DNAI3: variants seen among roughly 807,000 people sequenced by gnomAD.
DNAI3 encodes the protein WD repeat domain 63.
DNAI3 carries 83 observed loss-of-function variants against 115.5 expected under a neutral mutation model. The ratio of observed to expected loss-of-function variants is 0.72; its 90% confidence interval spans 0.60 to 0.86. The LOEUF (loss-of-function observed/expected upper bound fraction) is 0.86. DNAI3 is among the 40% of genes least tolerant of loss of function. DNAI3 has a pLI of 0.00. For missense variants in DNAI3, 1,004 were observed against 1,075.8 expected (o/e 0.93, Z 0.93); for synonymous variants, 320 against 347.0 (o/e 0.92, Z 0.86).
intron 13 of DNAI3, among the ~76,000 whole-genome samples, chr1:85,102,783 G>C (rs1029534057): frequency 6.6e-6 from 1 of 152,156 alleles, no homozygotes; most frequent in African/African-American, 2.4e-5. Context: ...GAAAAATCAT[G>C]TCACAGTGTT....
chr1:85,081,538 G>T, intron 4 of DNAI3, 123 bp downstream of exon 4: 3 of 795,870 alleles, frequency 3.8e-6, no homozygotes, highest in Non-Finnish European at 5.5e-6. Context: ...GTGCTAGCTT[G>T]CCCACCCCTC....
At chr1:85,125,223 AT>A (rs1338988936) in intron 19 of DNAI3, among the ~76,000 whole-genome samples, 4 of 152,136 alleles carry the variant, frequency 2.6e-5, no homozygotes, top group African/African-American at 9.7e-5. Context: ...CTGAAACTAT[AT>A]ATATATGTGT....
At chr1:85,129,120 C>T (rs1656237958) in intron 21 of DNAI3, among the ~76,000 whole-genome samples, 1 of 152,084 alleles carries the variant, frequency 6.6e-6, no homozygotes, top group Non-Finnish European at 1.5e-5. Flanking sequence ...TGATACCCTT[C>T]CCTGAGGGCC....
At position 85,132,872 on chromosome 1, in the gene DNAI3, A is replaced by G. The variant is rs371944443; in HGVS notation, c.2550A>G (p.Ser850=). The G allele has an allele frequency of 2.5e-6, 4 of 1,613,792 alleles. No homozygotes were observed. The highest frequency in any genetic ancestry group is 2.7e-5 in the African/African-American group (2 of 75,038). Residue 850 remains serine, a synonymous_variant, in exon 23 of 23, where the codon TCA becomes TCG. Transcript: ENST00000294664. ...CCCCCCAGAAAACATATCAGAAGTC[A>G]AAAGAACAAATGCAGGCTGAATTAA... ...AKKKVKTYQK[S]KEQMQAELKM... is the part of the protein sequence containing the mutation.
intron 22 of DNAI3, among the ~76,000 whole-genome samples, chr1:85,131,239 G>A (rs574599959): frequency 2.7e-4 from 41 of 152,182 alleles, no homozygotes; most frequent in Non-Finnish European, 5.3e-4. Flanking sequence ...GAGGTCAGGA[G>A]TTCGAGACCA....
chr1:85,114,015 C>CTTTTTTTTTTTTTTTT (rs58178754), intron 16 of DNAI3, among the ~76,000 whole-genome samples: 1 of 117,670 alleles, frequency 8.5e-6, no homozygotes, highest in Non-Finnish European at 1.8e-5. Context: ...CAATTTGTAT[C>CTTTTTTTTTTTTTTTT]TTTTTTTTTT....
In DNAI3 at chr1:85,108,716, C is replaced by T. The variant is rs189389969; in HGVS notation, c.1698+539C>T. On this transcript the variant is annotated intron_variant, in intron 15 of 22. Coordinates refer to ENST00000294664, the MANE Select transcript of DNAI3 (RefSeq NM_145172.5). Reference sequence around the variant, plus strand: ...GTTTGGGCTTCTGCTGAACCCATCACCCAGGTAGTGAACATAGTACCCAAT... The same window carrying T: ...GTTTGGGCTTCTGCTGAACCCATCATCCAGGTAGTGAACATAGTACCCAAT... Among the ~76,000 whole-genome samples, 8 of 152,264 alleles carry T rather than the reference C, an allele frequency of 5.3e-5. No individual in the cohort carries two copies. The East Asian group carries it at 1.5e-3, about 29-fold the overall frequency.
At chr1:85,130,911 A>T (rs940338971) in intron 22 of DNAI3, among the ~76,000 whole-genome samples, 1 of 151,922 alleles carries the variant, frequency 6.6e-6, no homozygotes, top group African/African-American at 2.4e-5. Flanking sequence ...GAATTCTGTG[A>T]CTCTGCTGGT....
intron 8 of DNAI3, among the ~76,000 whole-genome samples, chr1:85,092,683 G>A (rs1655013536): frequency 6.6e-6 from 1 of 152,060 alleles, no homozygotes; most frequent in South Asian, 2.1e-4. Context: ...AGCAATGTTA[G>A]TATTTTTAGC....
chr1:85,116,055 A>G (rs941720281), intron 16 of DNAI3, among the ~76,000 whole-genome samples: 4 of 151,880 alleles, frequency 2.6e-5, no homozygotes, highest in African/African-American at 9.7e-5. Flanking sequence ...TTCCTCCTCT[A>G]TCTCCTTTCC....
chr1:85,117,663 C>T (rs761744624), intron 16 of DNAI3, 66 bp from the exon 17 acceptor site: 15 of 1,579,900 alleles, frequency 9.5e-6, no homozygotes, highest in Non-Finnish European at 1.3e-5. Context: ...AAAATGTAAA[C>T]TGTCTATATT....
At chr1:85,117,664 T>C in intron 16 of DNAI3, 65 bp from the exon 17 acceptor site, 3 of 1,582,128 alleles carry the variant, frequency 1.9e-6, no homozygotes, top group Non-Finnish European at 2.6e-6. Flanking sequence ...AAATGTAAAC[T>C]GTCTATATTT....
At position 85,097,475 on chromosome 1, in the gene DNAI3, G is replaced by C. The variant is rs139191114; in HGVS notation, c.1264-94G>C. On this transcript the variant is annotated intron_variant, in intron 11 of 22. Transcript: ENST00000294664. Reference sequence around the variant, plus strand: ...CATTTGATTATCCCCTAAGGTGATTGACTTATCAGGCTACAAACCAATAGT... The same window carrying C: ...CATTTGATTATCCCCTAAGGTGATTCACTTATCAGGCTACAAACCAATAGT... 258 of 1,147,998 alleles carry C rather than the reference G, an allele frequency of 2.2e-4. No individual in the cohort carries two copies. In the African/African-American group the frequency reaches 3.7e-3, roughly 17 times the overall value. 71.1% of individuals were successfully genotyped at this position (1,147,998 alleles called of 1,614,324 possible).
At chr1:85,063,421 G>A (rs1178459145) in intron 1 of DNAI3, among the ~76,000 whole-genome samples, 2 of 152,090 alleles carry the variant, frequency 1.3e-5, no homozygotes, top group African/African-American at 4.8e-5. Context: ...GTGTGAGGCT[G>A]GAATAGAACT....
intron 19 of DNAI3, among the ~76,000 whole-genome samples, chr1:85,126,051 G>A (rs1656124181): frequency 6.6e-6 from 1 of 152,326 alleles, no homozygotes; most frequent in Non-Finnish European, 1.5e-5. Flanking sequence ...TTTTCAACAT[G>A]CAGTACACAG....
intron 20 of DNAI3, among the ~76,000 whole-genome samples, chr1:85,128,007 C>G (rs1656198249): frequency 6.6e-6 from 1 of 151,498 alleles, no homozygotes; most frequent in African/African-American, 2.4e-5. Flanking sequence ...TGCCTGTAGT[C>G]CCAGCTACTC....
intron 7 of DNAI3, 31 bp from the exon 8 acceptor site, chr1:85,090,085 T>C (rs761357361): frequency 1.6e-6 from 2 of 1,260,930 alleles, no homozygotes; most frequent in Non-Finnish European, 2.2e-6. Context: ...TGACCTAATC[T>C]TTAGTATTGA....
In DNAI3 at chr1:85,108,165, A is replaced by G. The variant is rs1273020790; in HGVS notation, c.1686A>G (p.Lys562=). The G allele has an allele frequency of 6.3e-7, 1 of 1,596,240 alleles. No homozygotes were observed. Among genetic ancestry groups the G allele is most frequent in the Non-Finnish European group, 8.5e-7 (1 of 1,174,420 alleles). ...TTTTGCATCTGGATCTCTCCTGGAA[A>G]CCTCTCACTAAGGTAAGTAATGTGG... ...STFLHLDLSW[K]PLTKVRLSKG... Residue 562 remains lysine (K), a synonymous_variant, in exon 15 of 23, where the codon AAA becomes AAG. Transcript: ENST00000294664.
intron 15 of DNAI3, 59 bp downstream of exon 15, chr1:85,108,236 T>A: frequency 6.8e-7 from 1 of 1,470,090 alleles, no homozygotes; most frequent in Non-Finnish European, 9.0e-7. Flanking sequence ...TTACTTTGCA[T>A]GCATAGACAT....
Sources: allele counts gnomAD v4.1 joint callset (sites outside exome capture counted in the v4.1 genomes callset), GRCh38; gene constraint gnomAD v4.1.1; transcripts MANE v1.5; gene names NCBI Gene and HGNC (gene_info 2026-07-23, HGNC 2026-07-21).